Variants in DIP2C observed in about 807,000 individuals in gnomAD.
DIP2C encodes the protein DIP2 acetate--CoA ligase C (putative), also known as disco-interacting protein 2 homolog C.
In DIP2C, 33 loss-of-function variants were observed where a neutral mutation model predicts 192.4. The observed-to-expected ratio is 0.17, with a 90% CI of 0.13 to 0.23. The LOEUF (loss-of-function observed/expected upper bound fraction) is 0.23, where lower values mean the gene tolerates loss of function less well. Among genes scored for constraint, DIP2C ranks in the 10% least tolerant of loss-of-function variants. The pLI is 1.00. For missense variants in DIP2C, 1,537 were observed against 2,110.1 expected (o/e 0.73, Z 5.32); for synonymous variants, 979 against 864.1 (o/e 1.13, Z -2.33).
chr10:527,554 A>G (rs573249080), intron 1 of DIP2C, among the ~76,000 whole-genome samples: 1 of 152,360 alleles, frequency 6.6e-6, no homozygotes, highest in South Asian at 2.1e-4. Context: ...ACTTCCACCA[A>G]ATGGAACCGA....
intron 4 of DIP2C, among the ~76,000 whole-genome samples, chr10:424,719 C>T (rs957538657): frequency 2.0e-5 from 3 of 152,126 alleles, no homozygotes; most frequent in South Asian, 2.1e-4. Context: ...ATTGACACAG[C>T]CTTGAGACTT....
chr10:688,018 G>A (rs911311232), intron 1 of DIP2C, among the ~76,000 whole-genome samples: 3 of 152,208 alleles, frequency 2.0e-5, no homozygotes, highest in Admixed American at 6.5e-5. Flanking sequence ...GGGCCGAGAC[G>A]CAAGCCGGGA....
intron 1 of DIP2C, among the ~76,000 whole-genome samples, chr10:545,189 T>TTTTTTTTTTG (rs1848221668): frequency 4.8e-5 from 7 of 145,330 alleles, no homozygotes; most frequent in Non-Finnish European, 1.1e-4. Context: ...TTTTTTTTTT[T>TTTTTTTTTTG]GAGTTTCACT....
At chr10:364,313 A>G (rs1959917111) in intron 20 of DIP2C, 61 bp downstream of exon 20, 5 of 1,559,954 alleles carry the variant, frequency 3.2e-6, no homozygotes, top group Non-Finnish European at 4.4e-6. Context: ...AACCCTTCAA[A>G]ACCACATAAA....
intron 3 of DIP2C, among the ~76,000 whole-genome samples, chr10:449,654 A>C: frequency 7.5e-6 from 1 of 132,826 alleles, no homozygotes; most frequent in East Asian, 2.5e-4. Context: ...GGGGGGAGGG[A>C]TAGCAGTGGG....
intron 2 of DIP2C, among the ~76,000 whole-genome samples, chr10:477,994 T>C (rs1282347790): frequency 2.6e-5 from 1 of 38,302 alleles, no homozygotes; most frequent in South Asian, 1.3e-3. Context: ...GAAGAGAAGA[T>C]AGAAGAGGAA....
chr10:614,679 A>G (rs1245431906), intron 1 of DIP2C, among the ~76,000 whole-genome samples: 2 of 152,272 alleles, frequency 1.3e-5, no homozygotes, highest in Non-Finnish European at 1.5e-5. Context: ...AATGTGATCC[A>G]TAAAGTTCCT....
chr10:507,560 CTG>C (rs918206494), intron 1 of DIP2C, among the ~76,000 whole-genome samples: 54 of 152,272 alleles, frequency 3.5e-4, no homozygotes, highest in Middle Eastern at 3.4e-3. Flanking sequence ...AGGTTAGGGA[CTG>C]TGTGCGCGGT....
chr10:402,284 TGTTC>T (rs1964514776), intron 9 of DIP2C, among the ~76,000 whole-genome samples: 1 of 15,604 alleles, frequency 6.4e-5, no homozygotes, highest in African/African-American at 7.3e-5. Context: ...GTTTGGTATG[TGTTC>T]ATCAGCACAT....
chr10:369,854 A>G (rs1382029971), intron 17 of DIP2C: 1 of 1,342,260 alleles, frequency 7.5e-7, no homozygotes, highest in Non-Finnish European at 1.0e-6. Context: ...TTCCCAGGGA[A>G]TCCCAAGAAC....
intron 1 of DIP2C, among the ~76,000 whole-genome samples, chr10:570,452 T>C (rs1262228107): frequency 2.6e-5 from 4 of 152,128 alleles, no homozygotes; most frequent in Non-Finnish European, 5.9e-5. Context: ...TCTGCATGAA[T>C]TGCTACCATT....
chr10:337,011 CTGTG>C (rs71374355), intron 29 of DIP2C, among the ~76,000 whole-genome samples: 10,896 of 37,594 alleles, frequency 0.29, 2,358 homozygotes, highest in East Asian at 0.33. Context: ...GCCTAGGCAG[CTGTG>C]TGTGTGTGTG....
At chr10:657,238 C>A (rs1588698120) in intron 1 of DIP2C, among the ~76,000 whole-genome samples, 5 of 82,662 alleles carry the variant, frequency 6.0e-5, no homozygotes, top group Non-Finnish European at 7.1e-5. Context: ...CCTGGACCTG[C>A]CGCTGGACCT....
In DIP2C at chr10:362,708, G is replaced by T. The variant is rs775415425; in HGVS notation, c.2593-17C>A. 1 of 1,591,440 alleles carries T rather than the reference G, an allele frequency of 6.3e-7. No individual in the cohort carries two copies. Among genetic ancestry groups the T allele is most frequent in the African/African-American group, 1.4e-5 (1 of 74,058 alleles). On this transcript the variant is annotated splice_polypyrimidine_tract_variant and intron_variant, in intron 21 of 36. Transcript: ENST00000280886. ...GTCAATCGCCTAGAAAGTTAATAAAGAGGAAATCATGTTATAAGAGGAAGT... is the reference window on the plus strand; with the variant it reads ...GTCAATCGCCTAGAAAGTTAATAAATAGGAAATCATGTTATAAGAGGAAGT...
At chr10:557,257 A>AC (rs1462032163) in intron 1 of DIP2C, among the ~76,000 whole-genome samples, 1 of 152,112 alleles carries the variant, frequency 6.6e-6, no homozygotes, top group Non-Finnish European at 1.5e-5. Flanking sequence ...CTGGAGCAGA[A>AC]CCTCCAGCCC....
At chr10:377,762 T>C (rs1217972044) in intron 17 of DIP2C, among the ~76,000 whole-genome samples, 1 of 152,208 alleles carries the variant, frequency 6.6e-6, no homozygotes. Context: ...TTGATTTTTC[T>C]CCCAGCTAAC....
chr10:522,940 T>C (rs1023999674), intron 1 of DIP2C, among the ~76,000 whole-genome samples: 8 of 145,178 alleles, frequency 5.5e-5, no homozygotes, highest in Admixed American at 2.1e-4. Context: ...GAGGGAACTG[T>C]GTGTGACCAA....
intron 1 of DIP2C, among the ~76,000 whole-genome samples, chr10:530,627 G>A (rs985399464): frequency 1.1e-4 from 16 of 143,774 alleles, no homozygotes; most frequent in Non-Finnish European, 1.9e-4. Flanking sequence ...AGATTAGCCT[G>A]GGCAATACAG....
intron 3 of DIP2C, among the ~76,000 whole-genome samples, chr10:450,900 T>TAC (rs1361279598): frequency 6.6e-6 from 1 of 152,178 alleles, no homozygotes; most frequent in Non-Finnish European, 1.5e-5. Flanking sequence ...TTCTGTCACT[T>TAC]ACACACACAC....
Sources: allele counts gnomAD v4.1 joint callset (sites outside exome capture counted in the v4.1 genomes callset), GRCh38; gene constraint gnomAD v4.1.1; transcripts MANE v1.5; gene names NCBI Gene and HGNC (gene_info 2026-07-23, HGNC 2026-07-21).